CYP1A1: variants seen among roughly 807,000 people sequenced by gnomAD.
The protein encoded by CYP1A1 is cytochrome P450 family 1 subfamily A member 1.
A neutral mutation model predicts 33.6 loss-of-function variants in CYP1A1; 43 were observed. That is an observed-to-expected ratio of 1.28 (90% confidence interval 1.00 to 1.65). CYP1A1 has a LOEUF of 1.65. Among genes scored for constraint, CYP1A1 ranks in the 40% most tolerant of loss-of-function variants. The pLI is 0.00. For synonymous variants in CYP1A1, 280 were observed against 257.8 expected (o/e 1.09, Z -0.83); for missense variants, 637 against 653.7 (o/e 0.97, Z 0.28).
At chr15:74,722,023 C>T (rs1761602975) in intron 2 of CYP1A1, 2 of 590,880 alleles carry the variant, frequency 3.4e-6, no homozygotes, top group Admixed American at 3.1e-5. Context: ...CCCTCAGCAA[C>T]TGCCCCAGGG....
intron 4 of CYP1A1, 42 bp from the exon 5 acceptor site, chr15:74,721,364 A>T (rs1306990587): frequency 6.2e-7 from 1 of 1,613,960 alleles, no homozygotes; most frequent in Non-Finnish European, 8.5e-7. Context: ...GGCTGCCTAG[A>T]CCTGGCCAGA....
In CYP1A1 at chr15:74,722,801, C is replaced by A. The variant is rs774756784; in HGVS notation, c.297G>T (p.Gln99His). The change falls in exon 2 of 7, where the codon CAG becomes CAT. Residue 99 changes from glutamine (Q) to histidine (H), a missense_variant. By Grantham distance (24) the Gln-to-His change is conservative. Transcript: ENST00000379727. ...CGGGCCGGCCCTTGAAATCATCGCCCTGCCGCACCAGGGCCTGCCGGATGG... is the reference window on the plus strand; with the variant it reads ...CGGGCCGGCCCTTGAAATCATCGCCATGCCGCACCAGGGCCTGCCGGATGG... ...LDTIRQALVR[Q>H]GDDFKGRPDL... 6.2e-7 allele frequency: 1 copy of A among 1,612,978 alleles called. No individual in the cohort carries two copies. Among genetic ancestry groups the A allele is most frequent in the East Asian group, 2.2e-5 (1 of 44,846 alleles).
chr15:74,722,971 G>T lies in CYP1A1; in HGVS notation c.127C>A (p.Pro43Thr), dbSNP rs1359392428. 5 of 1,614,202 alleles carry T rather than the reference G, an allele frequency of 3.1e-6. No homozygotes were observed. The highest frequency in any genetic ancestry group is 4.2e-6 in the Non-Finnish European group (5 of 1,180,026). Residue 43 changes from proline (P) to threonine (T), a missense_variant, in exon 2 of 7, where the codon CCA (proline) becomes ACA (threonine). Pro to Thr is a conservative substitution (Grantham distance 38). Transcript: ENST00000379727. ...TGCCCAATCAGAGGCCAGCCCCATGGCCCTGGTGGATTCTTCAGGCCTTTG... is the reference window on the plus strand; with the variant it reads ...TGCCCAATCAGAGGCCAGCCCCATGTCCCTGGTGGATTCTTCAGGCCTTTG... The part of the protein sequence containing the change: ...VPKGLKNPPG[P>T]WGWPLIGHML...
At position 74,720,689 on chromosome 15, in the gene CYP1A1, C is replaced by A. The variant is rs754884581; in HGVS notation, c.1339G>T (p.Val447Leu). ...GAIDKVLSEK[V>L]IIFGMGKRKC... The stretch of plus-strand genomic sequence containing the variant: ...CGCTTGCCCATGCCAAAGATAATCA[C>A]CTTCTCACTTAACACCTTGTCGATA... Residue 447 changes from valine (V) to leucine (L), a missense_variant, in exon 7 of 7, where the codon GTG becomes TTG. Physicochemically the swap from Val to Leu is conservative, Grantham distance 32. Transcript: ENST00000379727. 4.3e-6 allele frequency: 7 copies of A among 1,614,070 alleles called. No individual in the cohort carries two copies. In the Admixed American group the frequency reaches 6.7e-5, roughly 15 times the overall value.
At position 74,720,959 on chromosome 15, in the gene CYP1A1, G is replaced by A. The variant is rs775221089; in HGVS notation, c.1253+8C>T. On this transcript the variant is annotated splice_region_variant and intron_variant, in intron 6 of 6. Transcript: ENST00000379727. Reference sequence around the variant, plus strand: ...GACCCAGCCTTTCCTCTGCATCTCTGAACTTACTGGTCATGGTTGATCTGC... The same window carrying A: ...GACCCAGCCTTTCCTCTGCATCTCTAAACTTACTGGTCATGGTTGATCTGC... 1 of 1,613,890 alleles carries A rather than the reference G, an allele frequency of 6.2e-7. No individual in the cohort carries two copies. Among genetic ancestry groups the A allele is most frequent in the African/African-American group, 1.3e-5 (1 of 75,022 alleles).
At position 74,720,321 on chromosome 15, in the gene CYP1A1, G is replaced by C. The variant is rs1361170482; in HGVS notation, c.*168C>G. ...GTGTGCAGAGGCAAGTCCAGGGTAGGGGCAGGCAGGATCCCTTAGGCTTGC... is the reference window on the plus strand; with the variant it reads ...GTGTGCAGAGGCAAGTCCAGGGTAGCGGCAGGCAGGATCCCTTAGGCTTGC... On this transcript the variant is annotated 3_prime_UTR_variant, in exon 7 of 7. Transcript: ENST00000379727. 3 of 655,918 alleles carry C rather than the reference G, an allele frequency of 4.6e-6. No individual in the cohort carries two copies. The East Asian group carries it at 8.9e-5, about 20-fold the overall frequency. The allele number at this position is 655,918 out of a possible 1,614,324, so 40.6% of individuals were successfully genotyped here.
At chr15:74,720,855 A>G (rs1403105804) in intron 6 of CYP1A1, 81 bp from the exon 7 acceptor site, 7 of 1,568,088 alleles carry the variant, frequency 4.5e-6, no homozygotes, top group Non-Finnish European at 6.1e-6. Flanking sequence ...CCCAAAGGAT[A>G]GAGGACAGGC....
chr15:74,721,334 A>G lies in CYP1A1; in HGVS notation c.1043-12T>C, dbSNP rs759602321. 3.1e-6 allele frequency: 5 copies of G among 1,613,646 alleles called. No homozygotes were observed. Among genetic ancestry groups the G allele is most frequent in the Non-Finnish European group, 4.2e-6 (5 of 1,179,826 alleles). On this transcript the variant is annotated splice_polypyrimidine_tract_variant and intron_variant, in intron 4 of 6. Transcript: ENST00000379727. The stretch of plus-strand genomic sequence containing the variant: ...GCCAATCACTGTGTCTGCAGAACAC[A>G]GGGACAAGATGGATGCAGGGGCTGC...
At position 74,720,377 on chromosome 15, in the gene CYP1A1, A is replaced by C. The variant is rs1466128011; in HGVS notation, c.*112T>G. 1.6e-6 allele frequency: 2 copies of C among 1,250,620 alleles called. No homozygotes were observed. The highest frequency in any genetic ancestry group is 3.0e-5 in the African/African-American group (2 of 66,280). The allele number at this position is 1,250,620 out of a possible 1,614,324, so 77.5% of individuals were successfully genotyped here. On this transcript the variant is annotated 3_prime_UTR_variant, in exon 7 of 7. Transcript: ENST00000379727. ...GCCCAGATAGCAAAACTGCAGCCAG[A>C]TCAGTGTCTATGAGTTTCAGGCTGA...
chr15:74,723,165 A>G, intron 1 of CYP1A1, 39 bp from the exon 2 acceptor site: 1 of 1,224,802 alleles, frequency 8.2e-7, no homozygotes, highest in East Asian at 2.5e-5. Flanking sequence ...TCAAGCCGTC[A>G]GATTGGGGGA....
rs749494772 is a variant in CYP1A1 at position 74,722,837 on chromosome 15, G to A, written c.261C>T (p.Ser87=). ...RIGSTPVVVL[S]GLDTIRQALV... ...GGGCCTGCCGGATGGTGTCCAGGCC[G>A]CTCAGCACCACCACGGGTGTGGAGC... is the stretch of plus-strand genomic sequence containing the variant. The change falls in exon 2 of 7, where the codon AGC becomes AGT. Residue 87 remains serine (S), a synonymous_variant. Transcript: ENST00000379727. The A allele has an allele frequency of 1.5e-5, 24 of 1,613,910 alleles. No homozygotes were observed. The highest frequency in any genetic ancestry group is 5.5e-5 in the South Asian group (5 of 91,074).
At chr15:74,723,555 C>T (rs1036798518) in intron 1 of CYP1A1, among the ~76,000 whole-genome samples, 1 of 152,152 alleles carries the variant, frequency 6.6e-6, no homozygotes, top group African/African-American at 2.4e-5. Context: ...CTAAAATCAA[C>T]TTTAAATCTA....
intron 1 of CYP1A1, among the ~76,000 whole-genome samples, chr15:74,724,130 T>C (rs976253725): frequency 2.0e-5 from 3 of 151,998 alleles, no homozygotes; most frequent in African/African-American, 7.3e-5. Flanking sequence ...CAATTCTCAA[T>C]GAATGAACAG....
intron 2 of CYP1A1, 42 bp downstream of exon 2, chr15:74,722,231 C>T (rs770302203): frequency 6.5e-7 from 1 of 1,540,294 alleles, no homozygotes; most frequent in Non-Finnish European, 8.9e-7. Flanking sequence ...GCCCTGATGC[C>T]ATCTGCTTCC....
intron 4 of CYP1A1, 27 bp downstream of exon 4, chr15:74,721,387 A>C (rs1458590941): frequency 6.2e-7 from 1 of 1,613,972 alleles, no homozygotes; most frequent in Non-Finnish European, 8.5e-7. Context: ...CCTGGCACTG[A>C]CCCCTTTGAA....
rs1419385002 is a variant in CYP1A1 at position 74,720,165 on chromosome 15, C to A, written c.*324G>T. 2.1e-5 allele frequency: 5 copies of A among 233,654 alleles called. No homozygotes were observed. 14.5% of individuals were successfully genotyped at this position (233,654 alleles called of 1,614,324 possible). On this transcript the variant is annotated 3_prime_UTR_variant, in exon 7 of 7. Coordinates refer to ENST00000379727, the MANE Select transcript of CYP1A1 (RefSeq NM_001319217.2). ...AGCTAGGTACTGGGCCCAGGGGCTT[C>A]CAGAGAGTTCTTCAGAGCTTCTCAG...
intron 1 of CYP1A1, among the ~76,000 whole-genome samples, chr15:74,724,517 A>T (rs1738007343): frequency 6.6e-6 from 1 of 151,726 alleles, no homozygotes; most frequent in Non-Finnish European, 1.5e-5. Context: ...GAAAACCCAG[A>T]TCTGCTGTGG....
intron 2 of CYP1A1, 117 bp from the exon 3 acceptor site, chr15:74,721,834 G>A: frequency 1.5e-6 from 2 of 1,349,642 alleles, no homozygotes; most frequent in South Asian, 1.4e-5. Flanking sequence ...GCCCCCTGAG[G>A]CTGTTGTCCC....
At chr15:74,723,439 T>A (rs1296153722) in intron 1 of CYP1A1, among the ~76,000 whole-genome samples, 1 of 152,158 alleles carries the variant, frequency 6.6e-6, no homozygotes, top group African/African-American at 2.4e-5. Context: ...GTTGCCTAAT[T>A]CCAGAACGCT....
Sources: gnomAD v4.1 joint callset for allele counts (sites outside exome capture counted in the v4.1 genomes callset) on GRCh38, gnomAD v4.1.1 for gene constraint, MANE v1.5 for transcripts, NCBI Gene and HGNC (gene_info 2026-07-23, HGNC 2026-07-21) for gene names.